The following VPS8 variants were observed in gnomAD, a reference collection of about 807,000 sequenced individuals.
VPS8 encodes vacuolar protein sorting-associated protein 8 homolog.
Under a neutral mutation model 216.4 loss-of-function variants are expected in VPS8, and 129 were observed. The observed-to-expected ratio is 0.60, with a 90% CI of 0.52 to 0.69. The LOEUF (loss-of-function observed/expected upper bound fraction) is 0.69. VPS8 is among the 30% of genes least tolerant of loss of function. The pLI, the probability that VPS8 is intolerant of heterozygous loss-of-function variation, is 0.00. For missense variants in VPS8, 1,531 were observed against 1,683.5 expected (o/e 0.91, Z 1.59); for synonymous variants, 571 against 565.4 (o/e 1.01, Z -0.14).
Position 184,863,020 on chromosome 3 carries a change from A to G in VPS8, c.1348A>G (p.Ser450Gly), listed in dbSNP as rs1214648548. 1 of 1,613,972 alleles carries G rather than the reference A, an allele frequency of 6.2e-7. No individual in the cohort carries two copies. Among genetic ancestry groups the G allele is most frequent in the Admixed American group, 1.7e-5 (1 of 60,028 alleles). ...AGAAGTTCAGCTGGTCTACAATAGC[A>G]GCCATTTCAAATCACTAGCCACTGG... ...ISEVQLVYNS[S>G]HFKSLATGGN... is the part of the protein sequence containing the mutation. The change falls in exon 16 of 48, where the codon AGC becomes GGC. Residue 450 changes from serine to glycine, a missense_variant. Physicochemically the swap from Ser to Gly is moderately conservative, Grantham distance 56. Coordinates refer to ENST00000625842, the MANE Select transcript of VPS8 (RefSeq NM_001009921.3).
intron 1 of VPS8, among the ~76,000 whole-genome samples, chr3:184,819,508 T>C (rs188207084): frequency 6.6e-6 from 1 of 152,326 alleles, no homozygotes; most frequent in Admixed American, 6.5e-5. Flanking sequence ...AAGGGATAGC[T>C]GAAGCAGGAT....
At chr3:184,960,414 A>G (rs1315986967) in intron 37 of VPS8, among the ~76,000 whole-genome samples, 1 of 152,226 alleles carries the variant, frequency 6.6e-6, no homozygotes, top group African/African-American at 2.4e-5. Context: ...TTAAAGGCAT[A>G]GTTGTCAAGG....
rs1275570189 is a variant in VPS8 at position 184,853,978 on chromosome 3, T to G, written c.943T>G (p.Phe315Val). The G allele has an allele frequency of 6.2e-7, 1 of 1,613,716 alleles. No individual in the cohort carries two copies. The highest frequency in any genetic ancestry group is 8.5e-7 in the Non-Finnish European group (1 of 1,179,764). Residue 315 changes from phenylalanine (F) to valine (V), a missense_variant, in exon 12 of 48, where the codon TTT (phenylalanine) becomes GTT (valine). Transcript: ENST00000625842. The stretch of plus-strand genomic sequence containing the variant: ...GTTGAAAGATCATCCCATCACACAG[T>G]TTTCATTATTGGCCATGGCATCCTT... ...PELKDHPITQ[F>V]SLLAMASLTK...
rs149388900 is a variant in VPS8 at position 184,892,415 on chromosome 3, C to T, written c.1782-2288C>T. Among the ~76,000 whole-genome samples the T allele has an allele frequency of 4.6e-3, 695 of 152,140 alleles. 8 individuals are homozygous for T. Among genetic ancestry groups the T allele is most frequent in the African/African-American group, 0.016 (652 of 41,506 alleles). ...TATTTTTAGTAGAGACGGGGTTTCC[C>T]CAGGTTGGCCAGGCTGGTGTCAAAC... On this transcript the variant is annotated intron_variant, in intron 22 of 47. Coordinates refer to ENST00000625842, the MANE Select transcript of VPS8 (RefSeq NM_001009921.3).
chr3:185,021,619 G>A lies in VPS8; in HGVS notation c.4003-2717G>A, dbSNP rs186048024. Among the ~76,000 whole-genome samples the A allele has an allele frequency of 1.3e-4, 20 of 152,282 alleles. No individual in the cohort carries two copies. The South Asian group carries it at 1.5e-3, about 11-fold the overall frequency. On this transcript the variant is annotated intron_variant, in intron 45 of 47. Transcript: ENST00000625842. ...GTGAATTCCAGCGTATTAATGTCAT[G>A]GTATGTTACAGCAAAGACTGTCAAG...
At chr3:185,048,661 G>A in intron 47 of VPS8, 102 bp downstream of exon 47, 3 of 1,302,668 alleles carry the variant, frequency 2.3e-6, no homozygotes, top group Non-Finnish European at 2.1e-6. Flanking sequence ...CTTCTAGCCT[G>A]GAAGGTGCCC....
chr3:184,991,974 A>C (rs917253905), intron 42 of VPS8, among the ~76,000 whole-genome samples: 1 of 152,186 alleles, frequency 6.6e-6, no homozygotes, highest in African/African-American at 2.4e-5. Flanking sequence ...AAACTTGTTA[A>C]TTTGATAATT....
chr3:185,007,854 T>A (rs1014561699), intron 45 of VPS8, among the ~76,000 whole-genome samples: 223 of 152,336 alleles, frequency 1.5e-3, no homozygotes, highest in Non-Finnish European at 2.0e-3. Flanking sequence ...TTATGTTCAC[T>A]AGCCATAATT....
At chr3:184,987,592 A>G (rs753784805) in intron 42 of VPS8, among the ~76,000 whole-genome samples, 1 of 151,830 alleles carries the variant, frequency 6.6e-6, no homozygotes, top group Non-Finnish European at 1.5e-5. Context: ...TGTATATTCC[A>G]TTGTATGGAT....
At chr3:184,970,829 G>C (rs112572872) in intron 39 of VPS8, among the ~76,000 whole-genome samples, 304 of 152,318 alleles carry the variant, frequency 2.0e-3, no homozygotes, top group Middle Eastern at 0.01. Context: ...GTTCAACTAA[G>C]AGACTATTGC....
chr3:185,000,182 A>G (rs1753210419), intron 45 of VPS8, among the ~76,000 whole-genome samples: 1 of 152,228 alleles, frequency 6.6e-6, no homozygotes, highest in South Asian at 2.1e-4. Flanking sequence ...AGTACAGCTG[A>G]GTACTTGCAG....
chr3:184,834,977 A>G (rs1156791474), intron 5 of VPS8: 2 of 356,550 alleles, frequency 5.6e-6, no homozygotes, highest in Non-Finnish European at 1.0e-5. Context: ...GCTGTGCCTA[A>G]ATGAAATATG....
intron 45 of VPS8, among the ~76,000 whole-genome samples, chr3:185,000,699 C>T (rs1753296448): frequency 6.6e-6 from 1 of 150,824 alleles, no homozygotes; most frequent in African/African-American, 2.4e-5. Flanking sequence ...AGCTCCGTCT[C>T]CTGGGTTCAC....
chr3:184,839,749 T>C lies in VPS8; in HGVS notation c.532T>C (p.Phe178Leu), dbSNP rs1361377462. Residue 178 changes from phenylalanine to leucine, a missense_variant, in exon 7 of 48, where the codon TTT becomes CTT. Transcript: ENST00000625842. ...VGTSHGLALI[F>L]GKDQNQALRL... is the part of the protein sequence containing the mutation. The stretch of plus-strand genomic sequence containing the variant: ...TACATCTCATGGATTGGCTTTAATA[T>C]TTGGTAAATTTTTAAGTGCTTTCCT... The C allele has an allele frequency of 1.9e-6, 3 of 1,597,396 alleles. No homozygotes were observed. Among genetic ancestry groups the C allele is most frequent in the Non-Finnish European group, 1.7e-6 (2 of 1,170,814 alleles).
chr3:184,971,708 C>T lies in VPS8; in HGVS notation c.3376C>T (p.Leu1126Phe). 1.9e-6 allele frequency: 3 copies of T among 1,613,522 alleles called. No homozygotes were observed. Among genetic ancestry groups the T allele is most frequent in the Non-Finnish European group, 2.5e-6 (3 of 1,179,618 alleles). Residue 1126 changes from leucine (L) to phenylalanine (F), a missense_variant, in exon 40 of 48, where the codon CTT (leucine) becomes TTT (phenylalanine). Leu to Phe is a conservative substitution (Grantham distance 22). Coordinates refer to ENST00000625842, the MANE Select transcript of VPS8 (RefSeq NM_001009921.3). The stretch of plus-strand genomic sequence containing the variant: ...AGATACTATGGTGGAGACCATTGCT[C>T]TTTGCCAGAGAAATTCACATAATTT... ...VEDTMVETIA[L>F]CQRNSHNLNQ...
chr3:184,897,060 G>T (rs886217202), intron 23 of VPS8, among the ~76,000 whole-genome samples: 2 of 152,228 alleles, frequency 1.3e-5, no homozygotes, highest in African/African-American at 4.8e-5. Context: ...TACAGAGGTA[G>T]ATCTTGCAGG....
chr3:185,044,470 G>T lies in VPS8; in HGVS notation c.4057-4009G>T, dbSNP rs371450776. On this transcript the variant is annotated intron_variant, in intron 46 of 47. Coordinates refer to ENST00000625842, the MANE Select transcript of VPS8 (RefSeq NM_001009921.3). ...AGTGACTGGCACATGGTTATTACAC[G>T]ATCGATAAAGTGAGCCGCTGCAGCA... 4.6e-5 allele frequency among the ~76,000 whole-genome samples: 7 copies of T among 152,234 alleles called. No individual in the cohort carries two copies. The Middle Eastern group carries it at 0.014, about 296-fold the overall frequency.
At chr3:184,847,017 AAGG>A (rs1299817175) in intron 8 of VPS8, among the ~76,000 whole-genome samples, 2 of 152,338 alleles carry the variant, frequency 1.3e-5, no homozygotes, top group Non-Finnish European at 2.9e-5. Context: ...AAAAAATTGT[AAGG>A]AGGAGAACAG....
intron 13 of VPS8, among the ~76,000 whole-genome samples, chr3:184,854,801 A>G (rs1724940915): frequency 6.6e-6 from 1 of 152,072 alleles, no homozygotes; most frequent in South Asian, 2.1e-4. Flanking sequence ...ACTTTGGAGG[A>G]TGATACTTCC....
Sources: allele counts gnomAD v4.1 joint callset (sites outside exome capture counted in the v4.1 genomes callset), GRCh38; gene constraint gnomAD v4.1.1; transcripts MANE v1.5; gene names NCBI Gene and HGNC (gene_info 2026-07-23, HGNC 2026-07-21).